ANXA4: variants seen among roughly 807,000 people sequenced by gnomAD.
The protein encoded by ANXA4 is annexin A4.
A neutral mutation model predicts 49.8 loss-of-function variants in ANXA4; 39 were observed. The ratio of observed to expected loss-of-function variants is 0.78; its 90% CI spans 0.61 to 1.02. The LOEUF (loss-of-function observed/expected upper bound fraction) is 1.02. ANXA4 is among the 50% of genes least tolerant of loss of function. The pLI is 0.00. For synonymous variants in ANXA4, 134 were observed against 152.5 expected (o/e 0.88, Z 0.89); for missense variants, 360 against 410.1 (o/e 0.88, Z 1.05).
intron 1 of ANXA4, among the ~76,000 whole-genome samples, chr2:69,752,175 G>T (rs1304485728): frequency 1.2e-4 from 18 of 152,172 alleles, no homozygotes. Flanking sequence ...GGAATGGCAT[G>T]TCTGTTACAG....
intron 1 of ANXA4, among the ~76,000 whole-genome samples, chr2:69,753,402 G>A (rs1670929816): frequency 1.3e-5 from 2 of 152,142 alleles, no homozygotes; most frequent in African/African-American, 4.8e-5. Context: ...CCAGAGTCAA[G>A]GGTCCTCACC....
chr2:69,727,610 T>C (rs796431191), intron 3 of ANXA4, among the ~76,000 whole-genome samples: 3 of 152,352 alleles, frequency 2.0e-5, no homozygotes, highest in South Asian at 4.1e-4. Context: ...GAATAGGCAC[T>C]TTACAAAAAT....
chr2:69,820,721 C>T lies in ANXA4; in HGVS notation c.806C>T (p.Thr269Ile), dbSNP rs747416018. 8.7e-6 allele frequency: 14 copies of T among 1,614,070 alleles called. No homozygotes were observed. Among genetic ancestry groups the T allele is most frequent in the South Asian group, 2.2e-5 (2 of 91,076 alleles). ...TAGGGCTTGGGCACCGATGATAACACCCTCATCAGAGTGATGGTTTCTCGA... is the reference window on the plus strand; with the variant it reads ...TAGGGCTTGGGCACCGATGATAACATCCTCATCAGAGTGATGGTTTCTCGA... ...SMKGLGTDDNTLIRVMVSRAE... is the reference protein window; with the variant it reads ...SMKGLGTDDNILIRVMVSRAE... The change falls in exon 12 of 13, where the codon ACC becomes ATC. Residue 269 changes from threonine (T) to isoleucine (I), a missense_variant. Thr to Ile is a moderately conservative substitution (Grantham distance 89). Transcript: ENST00000394295.
chr2:69,758,280 T>C (rs1419321035), intron 1 of ANXA4, among the ~76,000 whole-genome samples: 1 of 152,208 alleles, frequency 6.6e-6, no homozygotes, highest in African/African-American at 2.4e-5. Context: ...CCCAAAGCGC[T>C]GCGACTACAG....
At chr2:69,778,295 G>T (rs1237489520) in intron 1 of ANXA4, among the ~76,000 whole-genome samples, 1 of 152,198 alleles carries the variant, frequency 6.6e-6, no homozygotes, top group East Asian at 1.9e-4. Context: ...GAAGTTATAA[G>T]TAAGAGTTAA....
At chr2:69,734,436 C>T (rs6735755) in intron 3 of ANXA4, among the ~76,000 whole-genome samples, 2 of 152,094 alleles carry the variant, frequency 1.3e-5, no homozygotes, top group African/African-American at 4.8e-5. Context: ...TTGAAATAGA[C>T]CCCTGAGGAG....
chr2:69,769,990 G>A (rs1029335524), intron 1 of ANXA4, among the ~76,000 whole-genome samples: 1 of 152,070 alleles, frequency 6.6e-6, no homozygotes, highest in Non-Finnish European at 1.5e-5. Context: ...AATTACTTGT[G>A]GATTGAAAGG....
chr2:69,749,355 AG>A (rs1011393324), intron 1 of ANXA4, among the ~76,000 whole-genome samples: 35 of 152,204 alleles, frequency 2.3e-4, no homozygotes, highest in Admixed American at 1.3e-3. Context: ...AGGAGGTAGG[AG>A]GGGGGATGTC....
At chr2:69,767,728 G>C (rs889439595) in intron 1 of ANXA4, among the ~76,000 whole-genome samples, 3 of 152,174 alleles carry the variant, frequency 2.0e-5, no homozygotes, top group Non-Finnish European at 2.9e-5. Context: ...GTTTCCATCA[G>C]ATAAGTCTGG....
At chr2:69,798,904 T>G (rs1173859659) in intron 3 of ANXA4, among the ~76,000 whole-genome samples, 1 of 152,162 alleles carries the variant, frequency 6.6e-6, no homozygotes, top group Non-Finnish European at 1.5e-5. Context: ...GTCAAGGACA[T>G]GCACACACAC....
intron 1 of ANXA4, among the ~76,000 whole-genome samples, chr2:69,780,919 AAG>A (rs752010916): frequency 5.9e-5 from 9 of 152,150 alleles, no homozygotes; most frequent in Non-Finnish European, 1.2e-4. Flanking sequence ...ATGATGATGA[AAG>A]AGGGGGTGCT....
chr2:69,651,574 C>T (rs1676234718), intron 1 of ANXA4, among the ~76,000 whole-genome samples: 1 of 152,072 alleles, frequency 6.6e-6, no homozygotes, highest in Admixed American at 6.5e-5. Context: ...GCAATCTCGG[C>T]TCACTGCAAG....
intron 5 of ANXA4, among the ~76,000 whole-genome samples, chr2:69,806,995 AAAAGTT>A (rs1374215161): frequency 2.0e-5 from 3 of 152,228 alleles, no homozygotes; most frequent in African/African-American, 7.2e-5. Flanking sequence ...CACTTAAAGT[AAAAGTT>A]AAATTTTTTT....
intron 1 of ANXA4, among the ~76,000 whole-genome samples, chr2:69,755,023 A>G (rs1003650250): frequency 6.6e-6 from 1 of 152,240 alleles, no homozygotes; most frequent in Non-Finnish European, 1.5e-5. Flanking sequence ...AAAAGGAATG[A>G]AATTCTATTA....
chr2:69,818,736 T>A, intron 10 of ANXA4, 42 bp downstream of exon 10: 1 of 1,357,568 alleles, frequency 7.4e-7, no homozygotes, highest in Non-Finnish European at 1.0e-6. Context: ...GTTTATAGAT[T>A]TTCCTTCTCA....
chr2:69,781,361 C>T (rs1005842331), intron 1 of ANXA4, 159 bp from the exon 2 acceptor site: 1 of 619,606 alleles, frequency 1.6e-6, no homozygotes. Context: ...TCTAATTAGC[C>T]CATTCCTTGT....
chr2:69,774,563 C>T (rs1326729735), intron 1 of ANXA4, among the ~76,000 whole-genome samples: 5 of 151,852 alleles, frequency 3.3e-5, no homozygotes, highest in African/African-American at 1.2e-4. Context: ...TGGTCTCAAA[C>T]TCCTGACCTC....
At chr2:69,758,964 T>G (rs7561427) in intron 1 of ANXA4, among the ~76,000 whole-genome samples, 7,381 of 151,900 alleles carry the variant, frequency 0.049, 588 homozygotes, top group African/African-American at 0.17. Context: ...GAAACCCCAT[T>G]TCTACTAAAA....
chr2:69,671,801 G>A (rs1456053618), intron 2 of ANXA4, among the ~76,000 whole-genome samples: 2 of 152,222 alleles, frequency 1.3e-5, no homozygotes, highest in African/African-American at 4.8e-5. Context: ...CATAGTCAGG[G>A]AAATGCAACA....
Sources: allele counts gnomAD v4.1 joint callset (sites outside exome capture counted in the v4.1 genomes callset), GRCh38; gene constraint gnomAD v4.1.1; transcripts MANE v1.5; gene names NCBI Gene and HGNC (gene_info 2026-07-23, HGNC 2026-07-21).